Variants in ARHGEF18 observed in about 807,000 individuals in gnomAD.
The protein encoded by ARHGEF18 is rho guanine nucleotide exchange factor 18.
In ARHGEF18, 93 loss-of-function variants were observed where a neutral mutation model predicts 155.7. The observed-to-expected ratio is 0.60, with a 90% CI of 0.50 to 0.71. The LOEUF is 0.71. Among genes scored for constraint, ARHGEF18 ranks in the 30% least tolerant of loss-of-function variants. The pLI, the probability that ARHGEF18 is intolerant of heterozygous loss-of-function variation, is 0.00. For synonymous variants in ARHGEF18, 742 were observed against 753.1 expected (o/e 0.99, Z 0.24); for missense variants, 1,593 against 1,816.1 (o/e 0.88, Z 2.23).
chr19:7,351,294 G>C (rs997588412), intron 1 of ARHGEF18, among the ~76,000 whole-genome samples: 1 of 149,168 alleles, frequency 6.7e-6, no homozygotes, highest in African/African-American at 2.5e-5. Context: ...AAGTCTGCTA[G>C]AGTGGACTTC....
chr19:7,476,675 G>A (rs61011421), downstream of ARHGEF18, among the ~76,000 whole-genome samples: 2,948 of 152,352 alleles, frequency 0.019, 93 homozygotes, highest in African/African-American at 0.065. Context: ...AGGACTCTGG[G>A]GAGTAGAGAA....
In ARHGEF18 at chr19:7,462,025, C is replaced by T. The variant is rs1363996662; in HGVS notation, c.2453-127C>T. On this transcript the variant is annotated intron_variant, in intron 20 of 28. Transcript: ENST00000668164. The surrounding 1 kb of genome is among the most constrained non-coding windows in gnomAD (Gnocchi z 4.4). The stretch of plus-strand genomic sequence containing the variant: ...TCCCCTACCTCCCAGGAATGCAGGA[C>T]ACAAGGGGGCAGCCTACCTCAGGGC... The T allele has an allele frequency of 2.9e-6, 3 of 1,033,402 alleles. No individual in the cohort carries two copies. Among genetic ancestry groups the T allele is most frequent in the East Asian group, 2.4e-5 (1 of 41,870 alleles). The allele number at this position is 1,033,402 out of a possible 1,614,324, so 64.0% of individuals were successfully genotyped here. A position where few individuals can be genotyped will look rare whatever the true frequency, so the allele number is the denominator to read the frequency against.
intron 18 of ARHGEF18, among the ~76,000 whole-genome samples, chr19:7,457,700 G>GCCA (rs1975933136): frequency 1.3e-5 from 2 of 152,008 alleles, no homozygotes; most frequent in Admixed American, 1.3e-4. Context: ...TCCAAAGACA[G>GCCA]CCACATTCTG....
intron 15 of ARHGEF18, among the ~76,000 whole-genome samples, chr19:7,450,806 G>A (rs945668658): frequency 4.4e-4 from 67 of 151,036 alleles, no homozygotes; most frequent in Non-Finnish European, 6.9e-4. Flanking sequence ...TTCCGTTTCC[G>A]AGATGTTAAT....
chr19:7,450,660 G>C (rs36141522), intron 15 of ARHGEF18, among the ~76,000 whole-genome samples: 1 of 124 alleles, frequency 8.1e-3, no homozygotes, highest in Non-Finnish European at 0.017. Context: ...GGATCTTGCT[G>C]TCCATTTCCG....
chr19:7,469,086 G>C lies in ARHGEF18; in HGVS notation c.3742G>C (p.Asp1248His), dbSNP rs572045864. The change falls in exon 27 of 29, where the codon GAC (aspartate) becomes CAC (histidine). Residue 1248 changes from aspartate (D) to histidine (H), a missense_variant. Physicochemically the swap from Asp to His is moderately conservative, Grantham distance 81. Transcript: ENST00000668164. ...KLAASTKGGK[D>H]KGGKSRGSQR... ...GGCGGCCTCCACCAAGGGTGGCAAG[G>C]ACAAGGGCGGCAAGAGCAGGGGCTC... 11 of 1,609,234 alleles carry C rather than the reference G, an allele frequency of 6.8e-6. No individual in the cohort carries two copies. In the South Asian group the frequency reaches 1.0e-4, roughly 15 times the overall value.
At chr19:7,454,213 T>G (rs1975687899) in intron 17 of ARHGEF18, among the ~76,000 whole-genome samples, 1 of 150,032 alleles carries the variant, frequency 6.7e-6, no homozygotes, top group Non-Finnish European at 1.5e-5. Flanking sequence ...ACCATCTTGG[T>G]GGGTTCCCTC....
intron 2 of ARHGEF18, among the ~76,000 whole-genome samples, chr19:7,363,228 A>G (rs1357407254): frequency 1.3e-5 from 2 of 152,024 alleles, no homozygotes; most frequent in Admixed American, 6.6e-5. Flanking sequence ...GGATGGATGG[A>G]TGGATGGATA....
chr19:7,355,501 G>A, intron 1 of ARHGEF18: 2 of 545,866 alleles, frequency 3.7e-6, no homozygotes, highest in South Asian at 7.8e-5. Context: ...GAAGCCCCAG[G>A]CTTCTATCAG....
chr19:7,373,280 T>A (rs899583536), intron 3 of ARHGEF18, among the ~76,000 whole-genome samples: 5 of 152,278 alleles, frequency 3.3e-5, no homozygotes, highest in African/African-American at 1.2e-4. Flanking sequence ...TCAAGCACAT[T>A]CCATTTATCG....
chr19:7,387,397 C>A (rs1568287737), intron 10 of ARHGEF18, among the ~76,000 whole-genome samples: 1 of 151,980 alleles, frequency 6.6e-6, no homozygotes, highest in African/African-American at 2.4e-5. Flanking sequence ...CGTGATCTGC[C>A]CGTCTCGGTC....
At chr19:7,420,450 A>G (rs1056147503) in intron 10 of ARHGEF18, among the ~76,000 whole-genome samples, 4 of 151,762 alleles carry the variant, frequency 2.6e-5, no homozygotes, top group Non-Finnish European at 4.4e-5. Context: ...ACGTGGTTTC[A>G]TCATGTTGCC....
chr19:7,441,994 T>C lies in ARHGEF18; in HGVS notation c.1302T>C (p.Asp434=), dbSNP rs1358976619. 1.9e-6 allele frequency: 3 copies of C among 1,614,124 alleles called. No homozygotes were observed. The highest frequency in any genetic ancestry group is 1.1e-5 in the South Asian group (1 of 91,086). The stretch of plus-strand genomic sequence containing the variant: ...CTGAGTCCTGGAGCCTCGCCGTGGA[T>C]GCAGCCTACGCCAAGAAGCAAAAGA... ...FEAESWSLAV[D]AAYAKKQKRE... The change falls in exon 13 of 29, where the codon GAT becomes GAC. Residue 434 remains aspartate (D), a synonymous_variant. Coordinates refer to ENST00000668164, the MANE Select transcript of ARHGEF18 (RefSeq NM_001367823.1).
At chr19:7,352,657 C>T (rs1042140603) in intron 1 of ARHGEF18, among the ~76,000 whole-genome samples, 2 of 148,840 alleles carry the variant, frequency 1.3e-5, no homozygotes, top group Admixed American at 6.8e-5. Flanking sequence ...CCTCAGCCTC[C>T]CGAGTAGCTG....
chr19:7,389,573 A>C, intron 10 of ARHGEF18, among the ~76,000 whole-genome samples: 1 of 126,988 alleles, frequency 7.9e-6, no homozygotes, highest in African/African-American at 3.0e-5. Flanking sequence ...TTGCTGTGTC[A>C]CCCAGGCTGG....
intron 13 of ARHGEF18, among the ~76,000 whole-genome samples, chr19:7,442,462 T>A (rs10420976): frequency 6.6e-6 from 1 of 151,908 alleles, no homozygotes; most frequent in Non-Finnish European, 1.5e-5. Flanking sequence ...CTCAATCTCC[T>A]GAGCTCAAGT....
In ARHGEF18 at chr19:7,383,076, A is replaced by G. The variant is rs144593838; in HGVS notation, c.840A>G (p.Ala280=). The G allele has an allele frequency of 2.8e-5, 34 of 1,232,468 alleles. 1 individual carries two copies. The African/African-American group carries it at 5.0e-4, about 18-fold the overall frequency. The allele number at this position is 1,232,468 out of a possible 1,614,324, so 76.3% of individuals were successfully genotyped here. ...GTCCCATCCAGGGGAAGAGCCCAGC[A>G]CATCTGAAGGACAAGGGCCAGGATG... is the stretch of plus-strand genomic sequence containing the variant. ...TRQKEKGKSP[A]HLKDKGQDAR... is the part of the protein sequence containing the mutation. Residue 280 remains alanine, a synonymous_variant, in exon 10 of 29, where the codon GCA becomes GCG. Coordinates refer to ENST00000668164, the MANE Select transcript of ARHGEF18 (RefSeq NM_001367823.1).
chr19:7,358,314 C>T (rs1969408888), intron 1 of ARHGEF18, among the ~76,000 whole-genome samples: 1 of 151,420 alleles, frequency 6.6e-6, no homozygotes, highest in Admixed American at 6.6e-5. Context: ...TCCATCCAAC[C>T]ATCCATCCAT....
rs1568261489 is a variant in ARHGEF18, at chr19:7,358,204, A to ACCATTCATCCTT, written c.-110-4573_-110-4572insTCATCCTTCCAT. Among the ~76,000 whole-genome samples, 8 of 41,998 alleles carry ACCATTCATCCTT rather than the reference A, an allele frequency of 1.9e-4. 2 individuals carry two copies. The highest frequency in any genetic ancestry group is 5.6e-4 in the Non-Finnish European group (7 of 12,476). 27.6% of individuals were successfully genotyped at this position (41,998 alleles called of 152,430 possible). ...ATCCATCCAATCAGCCAACTCTTCA[A>ACCATTCATCCTT]CCATCCATCCTTCCATCCATCCATC... On this transcript the variant is annotated intron_variant, in intron 1 of 28. Transcript: ENST00000668164.
Sources: allele counts gnomAD v4.1 joint callset (sites outside exome capture counted in the v4.1 genomes callset), GRCh38; gene constraint gnomAD v4.1.1; non-coding constraint Gnocchi (gnomAD v3.1); transcripts MANE v1.5; gene names NCBI Gene and HGNC (gene_info 2026-07-23, HGNC 2026-07-21).